CCNY: variants seen among roughly 807,000 people sequenced by gnomAD.
CCNY encodes the protein cyclin-Y.
Under a neutral mutation model 42.8 loss-of-function variants are expected in CCNY, and 19 were observed. The observed-to-expected ratio is 0.44, with a 90% CI of 0.31 to 0.65. The LOEUF is 0.65. Ranked by LOEUF, CCNY falls within the 30% of genes least tolerant of loss-of-function variation. The pLI is 0.07. For missense variants in CCNY, 370 were observed against 437.3 expected (o/e 0.85, Z 1.37); for synonymous variants, 165 against 162.7 (o/e 1.01, Z -0.11).
intron 1 of CCNY, among the ~76,000 whole-genome samples, chr10:35,366,558 A>T (rs1400310858): frequency 1.7e-4 from 26 of 152,082 alleles, no homozygotes; most frequent in Admixed American, 1.7e-3. Context: ...GAGATGGGAG[A>T]CTCCAAGGTT....
chr10:35,344,726 TCC>T (rs566899335), intron 1 of CCNY, among the ~76,000 whole-genome samples: 1 of 150,178 alleles, frequency 6.7e-6, no homozygotes, highest in Non-Finnish European at 1.5e-5. Flanking sequence ...CCCTCCCCAC[TCC>T]CCCCACCCGA....
rs569310999 is a variant in CCNY at position 35,413,417 on chromosome 10, T to C, written c.155-69987T>C. On this transcript the variant is annotated intron_variant, in intron 1 of 9. Transcript: ENST00000374704. Reference sequence around the variant, plus strand: ...AAAGGGAAGATGATGTATTTTGTTGTTATGTTTAGAGTTTGAGGTGACTGT... The same window carrying C: ...AAAGGGAAGATGATGTATTTTGTTGCTATGTTTAGAGTTTGAGGTGACTGT... Among the ~76,000 whole-genome samples the C allele has an allele frequency of 2.6e-5, 4 of 152,222 alleles. No homozygotes were observed. The South Asian group carries it at 8.3e-4, about 32-fold the overall frequency.
upstream of CCNY, among the ~76,000 whole-genome samples, chr10:35,333,946 G>A (rs1024449103): frequency 4.0e-5 from 6 of 150,948 alleles, no homozygotes; most frequent in Non-Finnish European, 7.4e-5. Context: ...TTTCTCTCCA[G>A]GATTCTTGAC....
At chr10:35,522,500 G>T (rs1334657499) in intron 4 of CCNY, among the ~76,000 whole-genome samples, 1 of 152,116 alleles carries the variant, frequency 6.6e-6, no homozygotes, top group Non-Finnish European at 1.5e-5. Context: ...CTGGGCAAGG[G>T]CAATAAGAGC....
intron 7 of CCNY, among the ~76,000 whole-genome samples, chr10:35,533,171 T>TA (rs1257571419): frequency 6.6e-6 from 1 of 152,178 alleles, no homozygotes; most frequent in Non-Finnish European, 1.5e-5. Flanking sequence ...GCACACCCTC[T>TA]AACCCAGTCT....
chr10:35,413,081 A>AG (rs1837948973), intron 1 of CCNY, among the ~76,000 whole-genome samples: 1 of 151,932 alleles, frequency 6.6e-6, no homozygotes, highest in South Asian at 2.1e-4. Flanking sequence ...TGGAGAGATA[A>AG]GAAGGAAGGA....
chr10:35,259,860 T>G (rs1227047417), intron 3 of CCNY, among the ~76,000 whole-genome samples: 1 of 150,506 alleles, frequency 6.6e-6, no homozygotes, highest in Admixed American at 6.7e-5. Context: ...GGGCTCTTCT[T>G]AAGGAAATTT....
intron 2 of CCNY, among the ~76,000 whole-genome samples, chr10:35,490,764 A>G (rs1329415152): frequency 6.6e-6 from 1 of 152,220 alleles, no homozygotes; most frequent in East Asian, 1.9e-4. Flanking sequence ...TGGTTACCAC[A>G]ACCCCAGTGG....
intron 1 of CCNY, among the ~76,000 whole-genome samples, chr10:35,442,119 G>GC (rs1300035423): frequency 3.3e-5 from 5 of 152,188 alleles, no homozygotes; most frequent in African/African-American, 1.2e-4. Flanking sequence ...ACATGGGCTG[G>GC]CTAGAAATGT....
rs1374437898 is a variant in CCNY at position 35,571,241 on chromosome 10, A to G, written c.*2071A>G. ...TTTTATTTTTATCCCTTTTATTTGA[A>G]TGAGAGATTTGAAAATCGAATTATG... On this transcript the variant is annotated 3_prime_UTR_variant, in exon 10 of 10. Transcript: ENST00000374704. 2.6e-5 allele frequency: 4 copies of G among 152,338 alleles called. No homozygotes were observed. The highest frequency in any genetic ancestry group is 3.4e-3 in the Middle Eastern group (1 of 294). The allele number at this position is 152,338 out of a possible 1,614,324, so 9.4% of individuals were successfully genotyped here.
At chr10:35,288,413 T>A (rs924257639) in intron 3 of CCNY, among the ~76,000 whole-genome samples, 2 of 152,156 alleles carry the variant, frequency 1.3e-5, no homozygotes, top group African/African-American at 4.8e-5. Context: ...TAGAAATGAA[T>A]AATTTGTCAT....
At chr10:35,427,122 G>A (rs1020322653) in intron 1 of CCNY, among the ~76,000 whole-genome samples, 4 of 152,210 alleles carry the variant, frequency 2.6e-5, no homozygotes, top group Admixed American at 6.5e-5. Context: ...ACCCTGTCAC[G>A]AATTTATTAA....
intron 3 of CCNY, among the ~76,000 whole-genome samples, chr10:35,328,817 G>T (rs1054820186): frequency 6.6e-6 from 1 of 152,200 alleles, no homozygotes; most frequent in Non-Finnish European, 1.5e-5. Context: ...GGGAAACTGA[G>T]ATTGAGACAA....
chr10:35,289,598 G>C (rs939718221), intron 3 of CCNY, among the ~76,000 whole-genome samples: 1 of 152,130 alleles, frequency 6.6e-6, no homozygotes, highest in African/African-American at 2.4e-5. Flanking sequence ...AACTGGCCGA[G>C]AGCAGTGGCT....
At position 35,326,915 on chromosome 10, in the gene CCNY, C is replaced by T. The variant is rs1835886668; in HGVS notation, c.-9+76289C>T. Among the ~76,000 whole-genome samples the T allele has an allele frequency of 2.0e-5, 3 of 150,670 alleles. No individual in the cohort carries two copies. The South Asian group carries it at 6.3e-4, about 31-fold the overall frequency. On this transcript the variant is annotated intron_variant, in intron 3 of 11. Coordinates refer to the CCNY transcript ENST00000374706. ...AAACAAACAAACAAACAAACAAACA[C>T]CATTGCTTCCCTTTGTCTCCTCGTC...
intron 9 of CCNY, among the ~76,000 whole-genome samples, chr10:35,566,531 TG>T (rs1841576025): frequency 6.6e-6 from 1 of 152,066 alleles, no homozygotes; most frequent in African/African-American, 2.4e-5. Flanking sequence ...TTAGTAGAGA[TG>T]GGGTTTCACA....
intron 7 of CCNY, among the ~76,000 whole-genome samples, chr10:35,550,269 A>G (rs532959510): frequency 6.7e-5 from 7 of 104,604 alleles, no homozygotes; most frequent in South Asian, 7.0e-4. Context: ...TGCTGCTCAT[A>G]GTCCGTGACC....
In CCNY at chr10:35,569,995, A is replaced by G. The variant is rs1841654614; in HGVS notation, c.*825A>G. On this transcript the variant is annotated 3_prime_UTR_variant, in exon 10 of 10. Transcript: ENST00000374704. ...AAGTTGTTGTTACAAAATCAGTCAG[A>G]CTTTGTGGGCTGAAGGACACGGTGC... The G allele has an allele frequency of 6.6e-6, 1 of 152,600 alleles. No individual in the cohort carries two copies. The highest frequency in any genetic ancestry group is 2.4e-5 in the African/African-American group (1 of 41,356). 9.5% of individuals were successfully genotyped at this position (152,600 alleles called of 1,614,324 possible). A position where few individuals can be genotyped will look rare whatever the true frequency, so the allele number is the denominator to read the frequency against.
intron 1 of CCNY, among the ~76,000 whole-genome samples, chr10:35,395,177 A>G: frequency 6.6e-6 from 1 of 152,158 alleles, no homozygotes; most frequent in East Asian, 1.9e-4. Context: ...CTGGGGTACT[A>G]ACAGTTAAGA....
Sources: allele counts gnomAD v4.1 joint callset (sites outside exome capture counted in the v4.1 genomes callset), GRCh38; gene constraint gnomAD v4.1.1; transcripts MANE v1.5; gene names NCBI Gene and HGNC (gene_info 2026-07-23, HGNC 2026-07-21).